TCF20: variants seen among roughly 807,000 people sequenced by gnomAD.
TCF20 encodes the protein transcription factor 20, also known as SPRE-binding protein.
Under a neutral mutation model 148.6 loss-of-function variants are expected in TCF20, and 3 were observed. The observed-to-expected ratio is 0.02, with a 90% CI of 0.01 to 0.05. The LOEUF (loss-of-function observed/expected upper bound fraction) is 0.05. Among genes scored for constraint, TCF20 ranks in the 10% least tolerant of loss-of-function variants. TCF20 has a pLI of 1.00. For synonymous variants in TCF20, 1,049 were observed against 909.5 expected (o/e 1.15, Z -2.76); for missense variants, 2,350 against 2,429.3 (o/e 0.97, Z 0.69).
Position 42,210,626 on chromosome 22 carries a change from G to GGGTGGAGGC in TCF20, c.4671_4679dup (p.Pro1559_Pro1561dup), listed in dbSNP as rs762662677. ...CTTCTGGTATCTGTGGGGGCTGAGGGGGTGGAGGCGGTGGCTGCTGCTGTT... is the reference window on the plus strand; with the variant it reads ...CTTCTGGTATCTGTGGGGGCTGAGGGGGTGGAGGCGGTGGAGGCGGTGGCTGCTGCTGTT... On this transcript the variant is annotated inframe_insertion, in exon 2 of 6. Coordinates refer to ENST00000677622, the MANE Select transcript of TCF20 (RefSeq NM_001378418.1). The surrounding 1 kb of genome is among the most constrained non-coding windows in gnomAD (Gnocchi z 4.7). 305 of 1,614,046 alleles carry GGGTGGAGGC rather than the reference G, an allele frequency of 1.9e-4. No individual in the cohort carries two copies. The highest frequency in any genetic ancestry group is 2.5e-4 in the Non-Finnish European group (300 of 1,180,028).
At chr22:42,260,322 C>T (rs1485649291) in intron 1 of TCF20, among the ~76,000 whole-genome samples, 1 of 152,014 alleles carries the variant, frequency 6.6e-6, no homozygotes, top group Non-Finnish European at 1.5e-5. Context: ...ACCCTGTTGG[C>T]CACCATATGA....
chr22:42,259,160 T>G (rs1332652680), intron 1 of TCF20, among the ~76,000 whole-genome samples: 1 of 152,200 alleles, frequency 6.6e-6, no homozygotes, highest in Non-Finnish European at 1.5e-5. Flanking sequence ...GGGTCTTAAA[T>G]AGCCCTGCTG....
intron 1 of TCF20, among the ~76,000 whole-genome samples, chr22:42,268,950 A>G (rs1042694669): frequency 6.6e-6 from 1 of 152,218 alleles, no homozygotes; most frequent in Non-Finnish European, 1.5e-5. Context: ...GCTAAAACAG[A>G]GCACAAAATG....
At chr22:42,241,441 C>A (rs1384991666) in intron 1 of TCF20, among the ~76,000 whole-genome samples, 3 of 152,064 alleles carry the variant, frequency 2.0e-5, no homozygotes, top group African/African-American at 7.2e-5. Context: ...AACAGGAATC[C>A]ATAAAAAACA....
At position 42,305,412 on chromosome 22, in the gene TCF20, C is replaced by T. The variant is rs540368051; in HGVS notation, c.-37+38067G>A. Among the ~76,000 whole-genome samples, 3 of 152,236 alleles carry T rather than the reference C, an allele frequency of 2.0e-5. No homozygotes were observed. The South Asian group carries it at 6.2e-4, about 32-fold the overall frequency. On this transcript the variant is annotated intron_variant, in intron 1 of 1. Coordinates refer to the TCF20 transcript ENST00000515426. ...GGTCCTCCTATGACTGCCTCCCAAACACTCCACACTTGCCACTCCATGGGT... is the reference window on the plus strand; with the variant it reads ...GGTCCTCCTATGACTGCCTCCCAAATACTCCACACTTGCCACTCCATGGGT...
intron 1 of TCF20, among the ~76,000 whole-genome samples, chr22:42,218,393 C>A (rs1922018897): frequency 6.6e-6 from 1 of 152,096 alleles, no homozygotes; most frequent in Non-Finnish European, 1.5e-5. Context: ...GGCTCTTCAC[C>A]CGCTCCCCAT....
rs78845483 is a variant in TCF20, at chr22:42,209,536, C to T, written c.5655+115G>A. On this transcript the variant is annotated intron_variant, in intron 2 of 5. Coordinates refer to ENST00000677622, the MANE Select transcript of TCF20 (RefSeq NM_001378418.1). ...TTTCATTTTCTGTCCATCACATGGG[C>T]ATAGGCACTTTAATTTGGAGGAATA... 4.5e-3 allele frequency: 5,403 copies of T among 1,209,576 alleles called. 206 individuals carry two copies. The African/African-American group carries it at 0.075, about 17-fold the overall frequency. The allele number at this position is 1,209,576 out of a possible 1,614,324, so 74.9% of individuals were successfully genotyped here.
At chr22:42,237,604 T>C (rs1459377105) in intron 1 of TCF20, among the ~76,000 whole-genome samples, 1 of 152,196 alleles carries the variant, frequency 6.6e-6, no homozygotes, top group Non-Finnish European at 1.5e-5. Flanking sequence ...CCAGACCCAC[T>C]AGAGGAATTA....
At chr22:42,183,562 A>T (rs564692714) in intron 2 of TCF20, among the ~76,000 whole-genome samples, 23 of 152,272 alleles carry the variant, frequency 1.5e-4, no homozygotes, top group Non-Finnish European at 2.8e-4. Flanking sequence ...AAGGCAAGGA[A>T]GCATGTTCTC....
At chr22:42,316,369 T>C (rs963969098) in intron 1 of TCF20, among the ~76,000 whole-genome samples, 2 of 152,160 alleles carry the variant, frequency 1.3e-5, no homozygotes, top group South Asian at 2.1e-4. Context: ...AGCACTAGCA[T>C]GGGAGTCTCT....
rs1387387961 is a variant in TCF20, at chr22:42,322,850, A to G, written c.-37+20629T>C. On this transcript the variant is annotated intron_variant, in intron 1 of 1. Transcript: ENST00000515426. Reference sequence around the variant, plus strand: ...GGCAGTGGGGAGGCTCGCCATCCCCAGGCTCAGATCTGGATCACTCACCTG... The same window carrying G: ...GGCAGTGGGGAGGCTCGCCATCCCCGGGCTCAGATCTGGATCACTCACCTG... Among the ~76,000 whole-genome samples the G allele has an allele frequency of 8.1e-5, 12 of 148,202 alleles. 1 individual carries two copies. The highest frequency in any genetic ancestry group is 8.0e-4 in the Admixed American group (12 of 14,982).
intron 1 of TCF20, among the ~76,000 whole-genome samples, chr22:42,221,368 C>T (rs1922341587): frequency 6.6e-6 from 1 of 152,158 alleles, no homozygotes; most frequent in South Asian, 2.1e-4. Context: ...CTTCTCTTTT[C>T]CTGAATGAAC....
intron 1 of TCF20, among the ~76,000 whole-genome samples, chr22:42,232,852 CAAATA>C (rs1923556811): frequency 6.9e-6 from 1 of 145,070 alleles, no homozygotes; most frequent in Non-Finnish European, 1.5e-5. Context: ...AATTTTAAAA[CAAATA>C]AAATTTAAAA....
At chr22:42,251,781 G>A (rs1219762353) in intron 1 of TCF20, among the ~76,000 whole-genome samples, 1 of 151,620 alleles carries the variant, frequency 6.6e-6, no homozygotes, top group Non-Finnish European at 1.5e-5. Context: ...GGGATTACAG[G>A]AGTGAGCCAC....
At chr22:42,255,677 G>C (rs1272524076) in intron 1 of TCF20, among the ~76,000 whole-genome samples, 1 of 152,096 alleles carries the variant, frequency 6.6e-6, no homozygotes, top group Non-Finnish European at 1.5e-5. Context: ...TTCTTATGCA[G>C]ACTAGGGCTT....
At position 42,161,320 on chromosome 22, in the gene TCF20, T is replaced by C; in HGVS notation, c.*83A>G. On this transcript the variant is annotated 3_prime_UTR_variant, in exon 6 of 6. Coordinates refer to ENST00000677622, the MANE Select transcript of TCF20 (RefSeq NM_001378418.1). ...GCACGGTAGGACGATTTCCATTCCA[T>C]CACGAGTGTCCACCACCTTCTCATC... 6.2e-7 allele frequency: 1 copy of C among 1,613,886 alleles called. No homozygotes were observed. Among genetic ancestry groups the C allele is most frequent in the Non-Finnish European group, 8.5e-7 (1 of 1,179,958 alleles).
At chr22:42,215,409 G>A (rs1921659847) in intron 1 of TCF20, 68 bp from the exon 2 acceptor site, 1 of 1,488,228 alleles carries the variant, frequency 6.7e-7, no homozygotes, top group East Asian at 2.3e-5. Flanking sequence ...AAGTCTAGAT[G>A]ATGGAGGGAA....
chr22:42,243,107 A>G (rs1308283438), intron 1 of TCF20, among the ~76,000 whole-genome samples: 2 of 151,846 alleles, frequency 1.3e-5, no homozygotes, highest in Admixed American at 1.3e-4. Flanking sequence ...ACAATTCTGT[A>G]TAATACTGTA....
Position 42,211,717 on chromosome 22 carries a change from G to A in TCF20, c.3589C>T (p.Pro1197Ser), listed in dbSNP as rs144735319. 295 of 1,614,160 alleles carry A rather than the reference G, an allele frequency of 1.8e-4. No individual in the cohort carries two copies. Among genetic ancestry groups the A allele is most frequent in the African/African-American group, 3.2e-4 (24 of 75,024 alleles). The part of the protein sequence containing the change: ...SCWDLSRQTS[P>S]AKSSGPPGMS... Reference sequence around the variant, plus strand: ...CCTGGAGGACCGCTGCTTTTGGCTGGAGAAGTTTGCCGAGAAAGATCCCAA... The same window carrying A: ...CCTGGAGGACCGCTGCTTTTGGCTGAAGAAGTTTGCCGAGAAAGATCCCAA... Residue 1197 changes from proline to serine, a missense_variant, in exon 2 of 6, where the codon CCA (proline) becomes TCA (serine). By Grantham distance (74) the Pro-to-Ser change is moderately conservative. This residue lies in a region of TCF20 where 1,641 missense variants were observed against 1,662.6 expected (regional missense o/e 0.99). Coordinates refer to ENST00000677622, the MANE Select transcript of TCF20 (RefSeq NM_001378418.1).
Sources: allele counts gnomAD v4.1 joint callset (sites outside exome capture counted in the v4.1 genomes callset), GRCh38; gene constraint gnomAD v4.1.1; regional missense constraint gnomAD v4.1.1; non-coding constraint Gnocchi (gnomAD v3.1); transcripts MANE v1.5; gene names NCBI Gene and HGNC (gene_info 2026-07-23, HGNC 2026-07-21).